HECTD4: variants seen among roughly 807,000 people sequenced by gnomAD.
HECTD4 encodes probable E3 ubiquitin-protein ligase HECTD4.
Under a neutral mutation model 471.5 loss-of-function variants are expected in HECTD4, and 114 were observed. The ratio of observed to expected loss-of-function variants is 0.24; its 90% CI spans 0.21 to 0.28. The LOEUF is 0.28. Among genes scored for constraint, HECTD4 ranks in the 10% least tolerant of loss-of-function variants. The pLI is 1.00. For missense variants in HECTD4, 3,866 were observed against 5,651.5 expected (o/e 0.68, Z 10.13); for synonymous variants, 2,012 against 2,256.0 (o/e 0.89, Z 3.07).
intron 1 of HECTD4, among the ~76,000 whole-genome samples, chr12:112,334,618 CCT>C (rs1357992240): frequency 2.7e-5 from 4 of 147,500 alleles, no homozygotes; most frequent in Non-Finnish European, 6.0e-5. Context: ...CACAGTAACC[CCT>C]GTCTCTACTA....
chr12:112,232,887 T>A, intron 38 of HECTD4, 117 bp downstream of exon 38: 1 of 831,072 alleles, frequency 1.2e-6, no homozygotes, highest in Non-Finnish European at 1.9e-6. Context: ...ATTTCTCACC[T>A]TGCCTCTTCG....
intron 34 of HECTD4, among the ~76,000 whole-genome samples, chr12:112,238,308 G>A (rs960386148): frequency 6.6e-6 from 1 of 151,828 alleles, no homozygotes. Flanking sequence ...GACCTCCCTG[G>A]CTCAAGCAAT....
intron 11 of HECTD4, among the ~76,000 whole-genome samples, chr12:112,271,712 T>C (rs1427370728): frequency 6.6e-6 from 1 of 152,248 alleles, no homozygotes; most frequent in Non-Finnish European, 1.5e-5. Context: ...GATCTGCTGT[T>C]GAGCCACTCT....
intron 25 of HECTD4, among the ~76,000 whole-genome samples, chr12:112,248,969 G>C (rs999195174): frequency 6.6e-6 from 1 of 152,206 alleles, no homozygotes; most frequent in Non-Finnish European, 1.5e-5. Flanking sequence ...TATTACAATA[G>C]AGTAAGAGGT....
rs2031957732 is a variant in HECTD4, at chr12:112,188,359, T to G, written c.9472+2427A>C. On this transcript the variant is annotated intron_variant, in intron 60 of 75. Coordinates refer to ENST00000682272, the MANE Select transcript of HECTD4 (RefSeq NM_001388303.1). This position sits in a 1 kb window ranked among gnomAD's most constrained non-coding sequence, Gnocchi z 4.2. Reference sequence around the variant, plus strand: ...TGTGGACATGGAAACAATCATATAATGGTGGCATGATAATGACTGAAGTTT... The same window carrying G: ...TGTGGACATGGAAACAATCATATAAGGGTGGCATGATAATGACTGAAGTTT... 6.6e-6 allele frequency among the ~76,000 whole-genome samples: 1 copy of G among 152,176 alleles called. No individual in the cohort carries two copies. The highest frequency in any genetic ancestry group is 2.1e-4 in the South Asian group (1 of 4,834).
chr12:112,307,649 T>C (rs1232990556), intron 6 of HECTD4, among the ~76,000 whole-genome samples: 1 of 152,252 alleles, frequency 6.6e-6, no homozygotes, highest in Non-Finnish European at 1.5e-5. Context: ...GCACCTACTA[T>C]GTGCTCTGGA....
intron 2 of HECTD4, among the ~76,000 whole-genome samples, chr12:112,315,791 G>A (rs111680975): frequency 1.3e-5 from 2 of 151,874 alleles, no homozygotes; most frequent in Non-Finnish European, 2.9e-5. Flanking sequence ...AGCACTTTGG[G>A]AGGCTGAGGC....
chr12:112,323,984 TCC>T (rs2035660261), intron 1 of HECTD4, among the ~76,000 whole-genome samples: 1 of 26,800 alleles, frequency 3.7e-5, no homozygotes, highest in Non-Finnish European at 5.8e-5. Context: ...CTTCCTTCCT[TCC>T]TTCCTTCCTT....
At chr12:112,353,101 T>C (rs2036275528) in intron 1 of HECTD4, among the ~76,000 whole-genome samples, 1 of 152,150 alleles carries the variant, frequency 6.6e-6, no homozygotes, top group Admixed American at 6.5e-5. Flanking sequence ...ACATCAACTC[T>C]ATGGAAACCA....
intron 20 of HECTD4, among the ~76,000 whole-genome samples, chr12:112,258,190 G>GAA (rs71920161): frequency 2.3e-5 from 3 of 128,292 alleles, no homozygotes; most frequent in Admixed American, 7.8e-5. Context: ...CTCCATCTCA[G>GAA]AAAAAAAAAA....
At chr12:112,205,132 CAAAAAA>C (rs397851178) in intron 52 of HECTD4, among the ~76,000 whole-genome samples, 1 of 77,708 alleles carries the variant, frequency 1.3e-5, no homozygotes, top group Non-Finnish European at 2.8e-5. Context: ...GACTCCATCT[CAAAAAA>C]AAAAAAAAAA....
intron 60 of HECTD4, 35 bp from the exon 61 acceptor site, chr12:112,185,528 T>G (rs1467238241): frequency 6.8e-7 from 1 of 1,471,270 alleles, no homozygotes; most frequent in South Asian, 1.3e-5. Flanking sequence ...GTAATTACTA[T>G]GCAGCACTGG....
chr12:112,219,321 T>G (rs917291046), intron 45 of HECTD4, 65 bp downstream of exon 45: 1 of 1,175,446 alleles, frequency 8.5e-7, no homozygotes, highest in African/African-American at 1.5e-5. Flanking sequence ...CTTAACTTGC[T>G]GCTGGCCTTA....
intron 1 of HECTD4, among the ~76,000 whole-genome samples, chr12:112,363,845 G>A (rs982901447): frequency 6.6e-5 from 10 of 151,546 alleles, no homozygotes; most frequent in East Asian, 3.9e-4. Context: ...CAGTGGTGGC[G>A]TGCGCCTGCA....
At chr12:112,279,474 G>T in intron 8 of HECTD4, 88 bp from the exon 9 acceptor site, 1 of 1,110,870 alleles carries the variant, frequency 9.0e-7, no homozygotes, top group Non-Finnish European at 1.3e-6. Flanking sequence ...TAATGAGGGA[G>T]ACCCAAACTC....
intron 44 of HECTD4, among the ~76,000 whole-genome samples, chr12:112,221,020 C>T (rs1381818685): frequency 3.3e-5 from 5 of 152,010 alleles, no homozygotes; most frequent in African/African-American, 4.8e-5. Context: ...GGCGCAATCT[C>T]GGCTCACTGC....
chr12:112,252,311 A>G, intron 23 of HECTD4, 113 bp downstream of exon 23: 1 of 1,074,874 alleles, frequency 9.3e-7, no homozygotes, highest in Non-Finnish European at 1.3e-6. Flanking sequence ...TAGAAGAGAA[A>G]GATGAAAGAG....
intron 1 of HECTD4, among the ~76,000 whole-genome samples, chr12:112,330,182 C>A (rs192483292): frequency 1.3e-5 from 2 of 151,484 alleles, no homozygotes; most frequent in African/African-American, 2.4e-5. Flanking sequence ...GACGCTGAGG[C>A]AGGAGAATCC....
chr12:112,200,155 A>ATTT (rs58396709), intron 55 of HECTD4, among the ~76,000 whole-genome samples: 3 of 135,700 alleles, frequency 2.2e-5, no homozygotes, highest in Non-Finnish European at 4.9e-5. Flanking sequence ...TAGATCCCCC[A>ATTT]TTTTTTTTTT....
Sources: allele counts gnomAD v4.1 joint callset (sites outside exome capture counted in the v4.1 genomes callset), GRCh38; gene constraint gnomAD v4.1.1; non-coding constraint Gnocchi (gnomAD v3.1); transcripts MANE v1.5; gene names NCBI Gene and HGNC (gene_info 2026-07-23, HGNC 2026-07-21).